The following PEAK1 variants were observed in gnomAD, a reference collection of about 807,000 sequenced individuals.
The protein encoded by PEAK1 is inactive tyrosine-protein kinase PEAK1.
A neutral mutation model predicts 124.7 loss-of-function variants in PEAK1; 54 were observed. The observed-to-expected ratio is 0.43, with a 90% CI of 0.35 to 0.54. The LOEUF (loss-of-function observed/expected upper bound fraction) is 0.54. PEAK1 is among the 20% of genes least tolerant of loss of function. PEAK1 has a pLI of 0.01. For synonymous variants in PEAK1, 719 were observed against 760.0 expected (o/e 0.95, Z 0.89); for missense variants, 2,046 against 2,134.5 (o/e 0.96, Z 0.82).
intron 2 of PEAK1, among the ~76,000 whole-genome samples, chr15:77,305,197 C>CGGAA (rs1555474464): frequency 2.8e-4 from 22 of 78,568 alleles, no homozygotes; most frequent in African/African-American, 1.1e-3. Flanking sequence ...GAGGGAGGGA[C>CGGAA]GGAAGGAGGG....
intron 6 of PEAK1, among the ~76,000 whole-genome samples, chr15:77,244,379 G>T (rs1280327135): frequency 6.6e-6 from 1 of 152,126 alleles, no homozygotes; most frequent in Non-Finnish European, 1.5e-5. Context: ...TCCTCAAAGG[G>T]ACAGTGGATC....
intron 2 of PEAK1, among the ~76,000 whole-genome samples, chr15:77,341,044 T>G (rs1254756332): frequency 6.6e-6 from 1 of 152,020 alleles, no homozygotes; most frequent in Admixed American, 6.6e-5. Context: ...CTTGATCTCC[T>G]GGGCTCAAAC....
chr15:77,313,139 ATT>A lies in PEAK1; in HGVS notation c.-602-26637_-602-26636del, dbSNP rs2064584287. Among the ~76,000 whole-genome samples, 4 of 152,294 alleles carry A rather than the reference ATT, an allele frequency of 2.6e-5. No homozygotes were observed. The South Asian group carries it at 8.3e-4, about 32-fold the overall frequency. On this transcript the variant is annotated intron_variant, in intron 2 of 9. Transcript: ENST00000682557. ...GAAATACACAAGATAAACCTGGGGCATTTTGTAGTGTCAGAAAATTTTTTAAA... is the reference window on the plus strand; with the variant it reads ...GAAATACACAAGATAAACCTGGGGCATTGTAGTGTCAGAAAATTTTTTAAA...
chr15:77,335,756 G>A (rs1044168564), intron 2 of PEAK1: 2 of 981,428 alleles, frequency 2.0e-6, no homozygotes, highest in African/African-American at 1.8e-5. Context: ...CTCCCAAAGT[G>A]CTCAGATTAC....
At chr15:77,281,907 T>A (rs2062694948) in intron 5 of PEAK1, among the ~76,000 whole-genome samples, 1 of 152,230 alleles carries the variant, frequency 6.6e-6, no homozygotes, top group Admixed American at 6.5e-5. Context: ...TTATTACCTA[T>A]ACTTCTATTT....
chr15:77,252,217 C>CA, intron 6 of PEAK1, 150 bp downstream of exon 6: 1 of 348,018 alleles, frequency 2.9e-6, no homozygotes, highest in Non-Finnish European at 4.0e-6. Context: ...CATTAAGGAC[C>CA]AAAGCCTGGT....
At chr15:77,279,556 T>C (rs2062548480) in intron 5 of PEAK1, among the ~76,000 whole-genome samples, 1 of 152,122 alleles carries the variant, frequency 6.6e-6, no homozygotes, top group South Asian at 2.1e-4. Context: ...TCAGATAAAT[T>C]CTGTCATTTT....
At chr15:77,200,043 C>T (rs1202421000) in intron 6 of PEAK1, among the ~76,000 whole-genome samples, 1 of 152,160 alleles carries the variant, frequency 6.6e-6, no homozygotes, top group East Asian at 1.9e-4. Context: ...CATAAAGTTA[C>T]ATCAAGTGGG....
chr15:77,347,103 C>G, intron 2 of PEAK1: 1 of 606,676 alleles, frequency 1.6e-6, no homozygotes, highest in Non-Finnish European at 2.1e-6. Flanking sequence ...GAGTAGAAGA[C>G]TTGCAAGTTG....
At chr15:77,229,653 T>C (rs1353260058) in intron 6 of PEAK1, among the ~76,000 whole-genome samples, 10 of 151,564 alleles carry the variant, frequency 6.6e-5, no homozygotes, top group South Asian at 6.2e-4. Context: ...TTCTTTCTTT[T>C]TTTTTTTTTT....
intron 6 of PEAK1, among the ~76,000 whole-genome samples, chr15:77,234,177 T>C (rs2060019270): frequency 1.3e-5 from 2 of 152,212 alleles, no homozygotes; most frequent in African/African-American, 2.4e-5. Flanking sequence ...AGCATTCACA[T>C]TTATTACTGT....
At position 77,180,838 on chromosome 15, in the gene PEAK1, C is replaced by T. The variant is rs745506244; in HGVS notation, c.1089G>A (p.Lys363=). Residue 363 remains lysine (K), a synonymous_variant, in exon 7 of 10, where the codon AAG becomes AAA. Transcript: ENST00000682557. ...CAGGAGATAATCCCCCATTACAAAT[C>T]TTCTGGGATAAACTACTGGCTGTCT... ...RSETASSLSQ[K]ICNGGLSPGN... The T allele has an allele frequency of 6.2e-7, 1 of 1,613,836 alleles. No individual in the cohort carries two copies. The highest frequency in any genetic ancestry group is 1.7e-5 in the Admixed American group (1 of 59,990).
chr15:77,342,571 A>G (rs1038085505), intron 2 of PEAK1, among the ~76,000 whole-genome samples: 2 of 151,852 alleles, frequency 1.3e-5, no homozygotes, highest in African/African-American at 4.8e-5. Context: ...ATGCTTGGCT[A>G]ATTTTTAAAA....
intron 1 of PEAK1, among the ~76,000 whole-genome samples, chr15:77,398,587 C>A (rs1462655231): frequency 6.6e-6 from 1 of 151,884 alleles, no homozygotes; most frequent in African/African-American, 2.4e-5. Flanking sequence ...AAAAAAAATT[C>A]AAAAAACTAG....
chr15:77,258,300 C>A (rs1488268677), intron 5 of PEAK1, among the ~76,000 whole-genome samples: 2 of 152,142 alleles, frequency 1.3e-5, no homozygotes, highest in Non-Finnish European at 2.9e-5. Context: ...GGCATTGAAT[C>A]TATAAATTAC....
At chr15:77,337,328 A>C (rs1346671325) in intron 2 of PEAK1, 2 of 973,466 alleles carry the variant, frequency 2.1e-6, no homozygotes, top group Non-Finnish European at 2.4e-6. Context: ...TATTTCATTT[A>C]TTTGAGAGGA....
At chr15:77,247,585 G>A (rs1596857187) in intron 6 of PEAK1, among the ~76,000 whole-genome samples, 5 of 146,078 alleles carry the variant, frequency 3.4e-5, no homozygotes, top group South Asian at 2.1e-4. Context: ...AGATTCTTGG[G>A]CCTCAACATG....
chr15:77,166,608 T>C (rs904961399), intron 7 of PEAK1, among the ~76,000 whole-genome samples: 6 of 152,214 alleles, frequency 3.9e-5, no homozygotes, highest in African/African-American at 1.4e-4. Flanking sequence ...AACAACTTAC[T>C]AGGCAGGCTA....
intron 2 of PEAK1, among the ~76,000 whole-genome samples, chr15:77,332,750 A>T (rs1317526792): frequency 6.6e-6 from 1 of 150,836 alleles, no homozygotes; most frequent in African/African-American, 2.4e-5. Flanking sequence ...AAGGTACTTC[A>T]TTTTTTTTTA....
Sources: allele counts gnomAD v4.1 joint callset (sites outside exome capture counted in the v4.1 genomes callset), GRCh38; gene constraint gnomAD v4.1.1; transcripts MANE v1.5; gene names NCBI Gene and HGNC (gene_info 2026-07-23, HGNC 2026-07-21).